Variants in CCSER1 observed in about 807,000 individuals in gnomAD.
The protein encoded by CCSER1 is serine-rich coiled-coil domain-containing protein 1.
In CCSER1, 41 loss-of-function variants were observed where a neutral mutation model predicts 82.0. The observed-to-expected ratio is 0.50, with a 90% CI of 0.39 to 0.65. CCSER1 has a LOEUF of 0.65. CCSER1 is among the 30% of genes least tolerant of loss of function. CCSER1 has a pLI of 0.00. For synonymous variants in CCSER1, 414 were observed against 383.9 expected (o/e 1.08, Z -0.92); for missense variants, 1,119 against 1,064.2 (o/e 1.05, Z -0.72).
At chr4:91,398,526 C>G (rs760623491) in intron 10 of CCSER1, among the ~76,000 whole-genome samples, 3 of 151,720 alleles carry the variant, frequency 2.0e-5, no homozygotes, top group Admixed American at 6.6e-5. Context: ...ATAGATGAGA[C>G]AAAAGCACAG....
chr4:90,956,209 A>G (rs1334072727), intron 9 of CCSER1, among the ~76,000 whole-genome samples: 10 of 152,218 alleles, frequency 6.6e-5, no homozygotes, highest in African/African-American at 2.2e-4. Flanking sequence ...TGATTTTTAT[A>G]TAATTTCAAT....
intron 10 of CCSER1, among the ~76,000 whole-genome samples, chr4:91,195,997 C>A (rs921645261): frequency 6.6e-6 from 1 of 151,912 alleles, no homozygotes; most frequent in African/African-American, 2.4e-5. Context: ...GGATTACAGG[C>A]GTGACACGGT....
chr4:90,380,212 G>A (rs571149715), intron 3 of CCSER1, among the ~76,000 whole-genome samples: 18 of 152,242 alleles, frequency 1.2e-4, no homozygotes, highest in African/African-American at 4.1e-4. Flanking sequence ...CATTGTGAAC[G>A]TCTCAGAAAA....
chr4:90,916,595 T>G (rs912997931), intron 8 of CCSER1, among the ~76,000 whole-genome samples: 5 of 152,116 alleles, frequency 3.3e-5, no homozygotes, highest in Admixed American at 6.6e-5. Context: ...ATTCAGGACA[T>G]AGGCATGGGC....
rs192181508 is a variant in CCSER1, at chr4:90,631,935, G to A, written c.1932+3703G>A. 2.5e-3 allele frequency among the ~76,000 whole-genome samples: 380 copies of A among 152,080 alleles called. 2 individuals are homozygous for A. The Middle Eastern group carries it at 0.034, about 14-fold the overall frequency. ...ACTTTCATGTTTAGAGTTGGGTCCC[G>A]TTCCCAAGACATCTCATAAGGTATA... On this transcript the variant is annotated intron_variant, in intron 6 of 10. Transcript: ENST00000509176.
At chr4:90,505,293 A>G (rs1238460735) in intron 5 of CCSER1, among the ~76,000 whole-genome samples, 1 of 152,248 alleles carries the variant, frequency 6.6e-6, no homozygotes, top group Non-Finnish European at 1.5e-5. Flanking sequence ...GCAGACTGCA[A>G]CTGGGCTTCA....
intron 7 of CCSER1, among the ~76,000 whole-genome samples, chr4:90,810,656 A>T (rs970920894): frequency 7.3e-6 from 1 of 136,288 alleles, no homozygotes; most frequent in African/African-American, 2.8e-5. Context: ...AACAACAACA[A>T]CAACAACAAC....
At chr4:91,289,790 A>C (rs1253816366) in intron 10 of CCSER1, among the ~76,000 whole-genome samples, 1 of 152,206 alleles carries the variant, frequency 6.6e-6, no homozygotes, top group Non-Finnish European at 1.5e-5. Context: ...AGAAAACAAT[A>C]AAGAAGAAAT....
intron 3 of CCSER1, among the ~76,000 whole-genome samples, chr4:90,320,456 G>A (rs1009808737): frequency 6.6e-6 from 1 of 152,060 alleles, no homozygotes; most frequent in Non-Finnish European, 1.5e-5. Flanking sequence ...TTGTTCCAGT[G>A]GAAGCACAAT....
At chr4:91,483,910 T>C (rs1212874129) in intron 10 of CCSER1, among the ~76,000 whole-genome samples, 7 of 152,134 alleles carry the variant, frequency 4.6e-5, no homozygotes, top group East Asian at 1.9e-4. Context: ...AGTTGCTTTC[T>C]GGTTTAACTA....
At chr4:90,141,020 A>ATATCTGTC (rs1553937164) in intron 1 of CCSER1, among the ~76,000 whole-genome samples, 1 of 145,874 alleles carries the variant, frequency 6.9e-6, no homozygotes, top group East Asian at 2.1e-4. Flanking sequence ...ACCCAGCAAG[A>ATATCTGTC]TATCTATCTA....
chr4:90,761,476 C>G (rs1240384954), intron 7 of CCSER1, among the ~76,000 whole-genome samples: 1 of 152,034 alleles, frequency 6.6e-6, no homozygotes, highest in Non-Finnish European at 1.5e-5. Context: ...AAATAAAATA[C>G]AGGTTTGCTC....
At chr4:90,151,339 G>T (rs1368754747) in intron 1 of CCSER1, among the ~76,000 whole-genome samples, 1 of 151,850 alleles carries the variant, frequency 6.6e-6, no homozygotes, top group Admixed American at 6.6e-5. Context: ...AAAGATATAT[G>T]TATCAATTTT....
At chr4:91,317,314 T>C (rs755322006) in intron 10 of CCSER1, among the ~76,000 whole-genome samples, 5 of 151,954 alleles carry the variant, frequency 3.3e-5, no homozygotes, top group Non-Finnish European at 7.4e-5. Flanking sequence ...CCCTATACTA[T>C]AGGACCTTTG....
At chr4:91,491,545 A>G (rs1459989772) in intron 10 of CCSER1, among the ~76,000 whole-genome samples, 1 of 152,148 alleles carries the variant, frequency 6.6e-6, no homozygotes, top group Admixed American at 6.6e-5. Flanking sequence ...TGCTCAAGAT[A>G]TTGGTTGGCC....
At chr4:90,266,879 G>A (rs1190656356) in intron 1 of CCSER1, among the ~76,000 whole-genome samples, 1 of 151,954 alleles carries the variant, frequency 6.6e-6, no homozygotes, top group Admixed American at 6.6e-5. Context: ...TCCTAGGCAA[G>A]TCTTAGTACT....
chr4:90,481,980 G>A (rs1348792356), intron 5 of CCSER1, among the ~76,000 whole-genome samples: 2 of 152,080 alleles, frequency 1.3e-5, no homozygotes, highest in African/African-American at 4.8e-5. Flanking sequence ...GGTAGAATTC[G>A]GCTGTGAATC....
intron 1 of CCSER1, among the ~76,000 whole-genome samples, chr4:90,130,304 C>A (rs1722595016): frequency 6.6e-6 from 1 of 152,152 alleles, no homozygotes; most frequent in Admixed American, 6.5e-5. Flanking sequence ...AGTTAACAAC[C>A]CGTAACAATA....
chr4:91,147,172 T>C (rs1354551683), intron 10 of CCSER1, among the ~76,000 whole-genome samples: 1 of 152,126 alleles, frequency 6.6e-6, no homozygotes, highest in Non-Finnish European at 1.5e-5. Flanking sequence ...GGTGATGCGG[T>C]AGGTCAAGAG....
Sources: allele counts gnomAD v4.1 joint callset (sites outside exome capture counted in the v4.1 genomes callset), GRCh38; gene constraint gnomAD v4.1.1; transcripts MANE v1.5; gene names NCBI Gene and HGNC (gene_info 2026-07-23, HGNC 2026-07-21).